PPP1R17: variants seen among roughly 807,000 people sequenced by gnomAD.
PPP1R17 encodes protein phosphatase 1 regulatory subunit 17, also known as G-substrate.
In PPP1R17, 12 loss-of-function variants were observed where a neutral mutation model predicts 15.9. The observed-to-expected ratio is 0.75, with a 90% CI of 0.48 to 1.22. The LOEUF (loss-of-function observed/expected upper bound fraction) is 1.22. Among genes scored for constraint, PPP1R17 ranks in the 50% most tolerant of loss-of-function variants. The pLI is 0.00. For synonymous variants in PPP1R17, 63 were observed against 64.5 expected, an observed-to-expected ratio of 0.98 and a Z score of 0.11; for missense variants, 211 against 187.3, an observed-to-expected ratio of 1.13 and a Z score of -0.74.
chr7:31,692,722 A>G (rs1401648338), intron 2 of PPP1R17, among the ~76,000 whole-genome samples, 199 bp downstream of exon 2: 1 of 152,214 alleles, frequency 6.6e-6, no homozygotes, highest in Non-Finnish European at 1.5e-5. Flanking sequence ...TAGCTGAAGC[A>G]CCAGTAAGAA....
At position 31,696,573 on chromosome 7, in the gene PPP1R17, T is replaced by A. The variant is rs539819216; in HGVS notation, c.236-392T>A. On this transcript the variant is annotated intron_variant, in intron 3 of 4. Coordinates refer to ENST00000342032, the MANE Select transcript of PPP1R17 (RefSeq NM_006658.5). The stretch of plus-strand genomic sequence containing the variant: ...GTGTGCAGACGCAGCTTGCAATACA[T>A]CAGATGAAATCCTCTGGCTGAAGAG... 2.6e-5 allele frequency among the ~76,000 whole-genome samples: 4 copies of A among 152,212 alleles called. No individual in the cohort carries two copies. The South Asian group carries it at 6.2e-4, about 24-fold the overall frequency.
intron 2 of PPP1R17, among the ~76,000 whole-genome samples, chr7:31,693,059 G>C (rs1429683216): frequency 6.6e-6 from 1 of 152,158 alleles, no homozygotes; most frequent in Non-Finnish European, 1.5e-5. Context: ...TTCTAAAAAT[G>C]AGACATTCAG....
At chr7:31,691,073 G>A (rs1184332383) in intron 1 of PPP1R17, among the ~76,000 whole-genome samples, 1 of 152,176 alleles carries the variant, frequency 6.6e-6, no homozygotes, top group Non-Finnish European at 1.5e-5. Context: ...GTCGCAGGGA[G>A]TTGGCAATCT....
chr7:31,687,818 A>G (rs1422504069), intron 1 of PPP1R17, among the ~76,000 whole-genome samples: 1 of 152,216 alleles, frequency 6.6e-6, no homozygotes, highest in African/African-American at 2.4e-5. Context: ...TTAACGAGAT[A>G]CCACATAGGC....
intron 4 of PPP1R17, 136 bp downstream of exon 4, chr7:31,697,253 C>G: frequency 1.9e-6 from 2 of 1,078,270 alleles, no homozygotes; most frequent in Non-Finnish European, 2.6e-6. Context: ...TGGGGAGAAG[C>G]CACACTCAGT....
chr7:31,706,654 A>T (rs981133038), intron 4 of PPP1R17, among the ~76,000 whole-genome samples: 2 of 152,160 alleles, frequency 1.3e-5, no homozygotes, highest in Non-Finnish European at 2.9e-5. Context: ...TTTAAGTTTG[A>T]CTTCCTGAGG....
rs1048670471 is a variant in PPP1R17, at chr7:31,707,109, G to C, written c.389-95G>C. 3.4e-5 allele frequency: 37 copies of C among 1,099,926 alleles called. No individual in the cohort carries two copies. In the African/African-American group the frequency reaches 5.6e-4, roughly 17 times the overall value. 68.1% of individuals were successfully genotyped at this position (1,099,926 alleles called of 1,614,324 possible). A position where few individuals can be genotyped will look rare whatever the true frequency, so the allele number is the denominator to read the frequency against. Reference sequence around the variant, plus strand: ...ACCTTGTAGACACTAAGAGGTTTCTGGGTTGCCATGCTCCTTTGTACTGTG... The same window carrying C: ...ACCTTGTAGACACTAAGAGGTTTCTCGGTTGCCATGCTCCTTTGTACTGTG... On this transcript the variant is annotated intron_variant, in intron 4 of 4. Coordinates refer to ENST00000342032, the MANE Select transcript of PPP1R17 (RefSeq NM_006658.5).
At chr7:31,689,381 T>A (rs1792241254) in intron 1 of PPP1R17, among the ~76,000 whole-genome samples, 1 of 152,242 alleles carries the variant, frequency 6.6e-6, no homozygotes, top group Middle Eastern at 3.4e-3. Flanking sequence ...TATGCAGGCA[T>A]GAAAGAAAGA....
At chr7:31,694,686 A>C (rs1275369150) in intron 2 of PPP1R17, among the ~76,000 whole-genome samples, 2 of 152,180 alleles carry the variant, frequency 1.3e-5, no homozygotes, top group Non-Finnish European at 2.9e-5. Context: ...TTGCTGAAAC[A>C]ATGACAGTGA....
Position 31,697,116 on chromosome 7 carries a change from A to T in PPP1R17, c.387A>T (p.Ala129=), listed in dbSNP as rs561176862. Residue 129 remains alanine, a splice_region_variant and synonymous_variant, in exon 4 of 5, where the codon GCA becomes GCT. Transcript: ENST00000342032. ...TPALHMSPFA[A]GVTLLRDERP... is the part of the protein sequence containing the mutation. ...CCCTGCACATGTCCCCCTTTGCAGC[A>T]GGTAAAAAAGCTGGTGCAGGGCATT... 1.9e-6 allele frequency: 3 copies of T among 1,613,692 alleles called. No individual in the cohort carries two copies. The highest frequency in any genetic ancestry group is 1.7e-6 in the Non-Finnish European group (2 of 1,179,818).
intron 4 of PPP1R17, among the ~76,000 whole-genome samples, chr7:31,705,246 C>T (rs1356644027): frequency 6.6e-6 from 1 of 152,070 alleles, no homozygotes; most frequent in Non-Finnish European, 1.5e-5. Context: ...ATTAAGTTTC[C>T]AGGGTACCAA....
At chr7:31,694,555 C>G (rs1441849852) in intron 2 of PPP1R17, among the ~76,000 whole-genome samples, 1 of 152,224 alleles carries the variant, frequency 6.6e-6, no homozygotes, top group East Asian at 1.9e-4. Flanking sequence ...TTTAACCGTT[C>G]AACATCCATT....
intron 4 of PPP1R17, among the ~76,000 whole-genome samples, chr7:31,702,212 T>A (rs368782781): frequency 6.6e-6 from 1 of 152,118 alleles, no homozygotes; most frequent in Non-Finnish European, 1.5e-5. Flanking sequence ...TATTTATTTT[T>A]TTTTTTGCCT....
Position 31,697,102 on chromosome 7 carries a change from T to A in PPP1R17, c.373T>A (p.Ser125Thr), listed in dbSNP as rs1792618067. ...AAAAGACACACCTGCCCTGCACATG[T>A]CCCCCTTTGCAGCAGGTAAAAAAGC... ...RRKDTPALHMSPFAAGVTLLR... is the reference protein window; with the variant it reads ...RRKDTPALHMTPFAAGVTLLR... Residue 125 changes from serine to threonine, a missense_variant, in exon 4 of 5, where the codon TCC (serine) becomes ACC (threonine). By Grantham distance (58) the Ser-to-Thr change is moderately conservative. Coordinates refer to ENST00000342032, the MANE Select transcript of PPP1R17 (RefSeq NM_006658.5). 6.2e-7 allele frequency: 1 copy of A among 1,613,802 alleles called. No individual in the cohort carries two copies. The highest frequency in any genetic ancestry group is 1.3e-5 in the African/African-American group (1 of 74,898).
intron 2 of PPP1R17, among the ~76,000 whole-genome samples, chr7:31,693,251 A>C (rs1004615632): frequency 1.3e-4 from 20 of 152,212 alleles, no homozygotes; most frequent in Non-Finnish European, 1.3e-4. Context: ...ATGGCTGTGC[A>C]CTGAGCAGAA....
chr7:31,698,048 G>A (rs1792677239), intron 4 of PPP1R17, among the ~76,000 whole-genome samples: 1 of 152,162 alleles, frequency 6.6e-6, no homozygotes. Context: ...CAGAATTGGG[G>A]CTCAAACCTA....
At chr7:31,693,134 C>T (rs1319180205) in intron 2 of PPP1R17, among the ~76,000 whole-genome samples, 1 of 152,010 alleles carries the variant, frequency 6.6e-6, no homozygotes, top group Non-Finnish European at 1.5e-5. Context: ...GGTTATGACT[C>T]CCCCCTCCTC....
At chr7:31,688,129 G>A (rs756858750) in intron 1 of PPP1R17, among the ~76,000 whole-genome samples, 15 of 152,136 alleles carry the variant, frequency 9.9e-5, no homozygotes, top group East Asian at 1.9e-4. Flanking sequence ...TCACACTCAC[G>A]AAAATATCAG....
chr7:31,691,086 A>G (rs532371966), intron 1 of PPP1R17, among the ~76,000 whole-genome samples: 4 of 152,162 alleles, frequency 2.6e-5, no homozygotes, highest in African/African-American at 7.2e-5. Context: ...GGCAATCTCT[A>G]TACAAACACT....
Sources: gnomAD v4.1 joint callset for allele counts (sites outside exome capture counted in the v4.1 genomes callset) on GRCh38, gnomAD v4.1.1 for gene constraint, MANE v1.5 for transcripts, NCBI Gene and HGNC (gene_info 2026-07-23, HGNC 2026-07-21) for gene names.